Variants in P4HA1 observed in about 807,000 individuals in gnomAD.
P4HA1 encodes prolyl 4-hydroxylase subunit alpha 1.
Under a neutral mutation model 72.8 loss-of-function variants are expected in P4HA1, and 24 were observed. The observed-to-expected ratio is 0.33, with a 90% CI of 0.24 to 0.46. The LOEUF is 0.46. P4HA1 is among the 20% of genes least tolerant of loss of function. P4HA1 has a pLI of 1.00. For synonymous variants in P4HA1, 201 were observed against 218.8 expected (o/e 0.92, Z 0.72); for missense variants, 446 against 640.6 (o/e 0.70, Z 3.28).
chr10:73,032,516 G>T (rs1410746324), intron 9 of P4HA1, among the ~76,000 whole-genome samples: 1 of 152,046 alleles, frequency 6.6e-6, no homozygotes, highest in Non-Finnish European at 1.5e-5. Context: ...GCTTTTTCTT[G>T]GTCTCCTAAT....
At chr10:73,044,959 A>G (rs2133086709) in intron 9 of P4HA1, 22 bp downstream of exon 9, 1 of 1,587,850 alleles carries the variant, frequency 6.3e-7, no homozygotes, top group East Asian at 2.2e-5. Context: ...AGGGCAAAAT[A>G]TGCAGCATAC....
intron 1 of P4HA1, among the ~76,000 whole-genome samples, chr10:73,084,080 A>AG (rs1841877106): frequency 1.3e-5 from 2 of 152,234 alleles, no homozygotes; most frequent in South Asian, 4.1e-4. Flanking sequence ...TACCACCATC[A>AG]ATCCCTTTTG....
chr10:73,067,711 C>T (rs1244823491), intron 5 of P4HA1, among the ~76,000 whole-genome samples: 1 of 152,114 alleles, frequency 6.6e-6, no homozygotes, highest in African/African-American at 2.4e-5. Flanking sequence ...TGGCTAATTC[C>T]TGGTCCATTA....
intron 5 of P4HA1, among the ~76,000 whole-genome samples, chr10:73,054,565 T>G (rs1181705655): frequency 6.6e-6 from 1 of 152,212 alleles, no homozygotes; most frequent in Non-Finnish European, 1.5e-5. Context: ...CTGTGAACAT[T>G]TGTGTGTAAG....
rs199872874 is a variant in P4HA1, at chr10:73,046,949, G to C, written c.1053C>G (p.Ile351Met). The part of the protein sequence containing the change: ...HDIISDAEIE[I>M]VKDLAKPRLR... ...CCCTTGGTTTTGCTAGGTCTTTGAC[G>C]ATTTCAATTTCTGCATCAGAAATAA... is the stretch of plus-strand genomic sequence containing the variant. The change falls in exon 8 of 15, where the codon ATC becomes ATG. Residue 351 changes from isoleucine to methionine, a missense_variant. Physicochemically the swap from Ile to Met is conservative, Grantham distance 10 (BLOSUM62 1). Coordinates refer to ENST00000394890, the MANE Select transcript of P4HA1 (RefSeq NM_001017962.3). 9 of 1,611,446 alleles carry C rather than the reference G, an allele frequency of 5.6e-6. No homozygotes were observed. The highest frequency in any genetic ancestry group is 7.6e-6 in the Non-Finnish European group (9 of 1,178,288).
intron 9 of P4HA1, among the ~76,000 whole-genome samples, chr10:73,037,270 T>C (rs1840595487): frequency 6.7e-6 from 1 of 150,008 alleles, no homozygotes; most frequent in Non-Finnish European, 1.5e-5. Flanking sequence ...TAGAGTAACA[T>C]TTCTATGCTT....
At chr10:73,024,041 A>G (rs1411056004) in intron 10 of P4HA1, among the ~76,000 whole-genome samples, 1 of 152,136 alleles carries the variant, frequency 6.6e-6, no homozygotes, top group African/African-American at 2.4e-5. Context: ...AATAATAATG[A>G]GAGACTTTAA....
Position 73,051,256 on chromosome 10 carries a change from G to T in P4HA1, c.704-7C>A. ...GCTCTCTGATGTTCAGGATCTATTA[G>T]AAGAGAAACAAAGCATGTCCATGGG... On this transcript the variant is annotated splice_polypyrimidine_tract_variant and splice_region_variant and intron_variant, in intron 6 of 14. Transcript: ENST00000394890. 6.6e-7 allele frequency: 1 copy of T among 1,511,182 alleles called. No individual in the cohort carries two copies. 93.6% of individuals were successfully genotyped at this position (1,511,182 alleles called of 1,614,324 possible).
chr10:73,081,248 G>A (rs1841815625), intron 1 of P4HA1, among the ~76,000 whole-genome samples: 1 of 151,518 alleles, frequency 6.6e-6, no homozygotes, highest in South Asian at 2.1e-4. Context: ...AGGAGGAATA[G>A]GAGGAAGAAA....
Position 73,044,981 on chromosome 10 carries a change from CT to C in P4HA1, c.1147del (p.Ser383ValfsTer17), listed in dbSNP as rs1408118546. On this transcript the variant is annotated frameshift_variant and splice_region_variant, in exon 9 of 15. Coordinates refer to ENST00000394890, the MANE Select transcript of P4HA1 (RefSeq NM_001017962.3). LOFTEE classifies it high-confidence loss of function. ...AATATGCAGCATACACATCTCTTAC[CT>C]TTTGCTAATTCTGTAATGTACCGTC... ...LETVHYRISKSAWLSGYENPV... is the reference protein window; with the variant it reads ...LETVHYRISKXAWLSGYENPV... 1 of 1,611,634 alleles carries C rather than the reference CT, an allele frequency of 6.2e-7. No individual in the cohort carries two copies. The highest frequency in any genetic ancestry group is 1.7e-5 in the Admixed American group (1 of 59,904).
At position 73,053,516 on chromosome 10, in the gene P4HA1, A is replaced by C. The variant is rs754351127; in HGVS notation, c.538T>G (p.Tyr180Asp). The C allele has an allele frequency of 6.2e-7, 1 of 1,614,088 alleles. No homozygotes were observed. Among genetic ancestry groups the C allele is most frequent in the Non-Finnish European group, 8.5e-7 (1 of 1,179,942 alleles). ...TCCATCCACAGTTCCGTATGGTAAT[A>C]ATCTGCTTCTGTATAGGCCACTTTG... ...LGKVAYTEAD[Y>D]YHTELWMEQA... Residue 180 changes from tyrosine (Y) to aspartate (D), a missense_variant, in exon 6 of 15, where the codon TAT becomes GAT. Coordinates refer to ENST00000394890, the MANE Select transcript of P4HA1 (RefSeq NM_001017962.3).
chr10:73,015,178 A>G (rs1185396979), intron 11 of P4HA1, among the ~76,000 whole-genome samples: 1 of 152,176 alleles, frequency 6.6e-6, no homozygotes, highest in Non-Finnish European at 1.5e-5. Context: ...TTTCAGCACT[A>G]TAATCAAGCT....
chr10:73,007,280 T>TA lies in P4HA1; in HGVS notation c.*941dup, dbSNP rs1253618797. On this transcript the variant is annotated 3_prime_UTR_variant, in exon 15 of 15. Transcript: ENST00000394890. ...GTTGTCACAACACATTTCAGAATCT[T>TA]AAAAAAACAAACATTTTGGCTTTCT... 6.6e-6 allele frequency: 1 copy of TA among 152,544 alleles called. No homozygotes were observed. 9.4% of individuals were successfully genotyped at this position (152,544 alleles called of 1,614,324 possible). A position where few individuals can be genotyped will look rare whatever the true frequency, so the allele number is the denominator to read the frequency against.
At chr10:73,063,242 T>C (rs1841349949) in intron 5 of P4HA1, among the ~76,000 whole-genome samples, 1 of 152,228 alleles carries the variant, frequency 6.6e-6, no homozygotes, top group African/African-American at 2.4e-5. Context: ...GGTTCAATTG[T>C]CTAGTGAGGG....
At chr10:73,056,228 T>C (rs1564630547) in intron 5 of P4HA1, among the ~76,000 whole-genome samples, 1 of 152,228 alleles carries the variant, frequency 6.6e-6, no homozygotes, top group Non-Finnish European at 1.5e-5. Context: ...AAATAAGGAA[T>C]ATATAGGCAG....
intron 10 of P4HA1, among the ~76,000 whole-genome samples, chr10:73,021,990 G>C (rs1284631647): frequency 1.3e-5 from 2 of 152,212 alleles, no homozygotes; most frequent in Non-Finnish European, 2.9e-5. Context: ...TGGCCAGAAA[G>C]CTCAAACTGG....
intron 9 of P4HA1, among the ~76,000 whole-genome samples, chr10:73,035,752 A>G (rs972311251): frequency 1.3e-5 from 2 of 152,196 alleles, no homozygotes; most frequent in African/African-American, 4.8e-5. Context: ...TTTCCCTCCA[A>G]AACAGTTGCA....
chr10:73,009,823 T>C lies in P4HA1; in HGVS notation c.1518A>G (p.Leu506=). The C allele has an allele frequency of 6.3e-7, 1 of 1,595,076 alleles. No individual in the cohort carries two copies. The change falls in exon 14 of 15, where the codon CTA becomes CTG. Residue 506 remains leucine, a synonymous_variant. Transcript: ENST00000394890. ...YSTRHAACPV[L]VGNKWVSNKW... is the part of the protein sequence containing the mutation. ...AATATTTACCCCATTTGTTGCCAAC[T>C]AGCACTGGACAGGCTGCATGCCGTG...
chr10:73,047,095 G>C lies in P4HA1; in HGVS notation c.907C>G (p.Arg303Gly), dbSNP rs766456432. Residue 303 changes from arginine (R) to glycine (G), a missense_variant, in exon 8 of 15, where the codon CGG (arginine) becomes GGG (glycine). By Grantham distance (125) the Arg-to-Gly change is moderately radical. Coordinates refer to ENST00000394890, the MANE Select transcript of P4HA1 (RefSeq NM_001017962.3). ...CRGEGIKMTP[R>G]RQKKLFCRYH... Reference sequence around the variant, plus strand: ...CGGCAAAAGAGTTTTTTCTGTCTCCGAGGGGTCTAAACATAAAGTTAAGAA... The same window carrying C: ...CGGCAAAAGAGTTTTTTCTGTCTCCCAGGGGTCTAAACATAAAGTTAAGAA... The C allele has an allele frequency of 2.5e-6, 4 of 1,608,094 alleles. No individual in the cohort carries two copies. Among genetic ancestry groups the C allele is most frequent in the Non-Finnish European group, 3.4e-6 (4 of 1,174,812 alleles).
Sources: gnomAD v4.1 joint callset for allele counts (sites outside exome capture counted in the v4.1 genomes callset) on GRCh38, gnomAD v4.1.1 for gene constraint, MANE v1.5 for transcripts, NCBI Gene and HGNC (gene_info 2026-07-23, HGNC 2026-07-21) for gene names.